PCDH7: variants seen among roughly 807,000 people sequenced by gnomAD.
The protein encoded by PCDH7 is protocadherin 7.
PCDH7 carries 17 observed loss-of-function variants against 58.9 expected under a neutral mutation model. The observed-to-expected ratio is 0.29, with a 90% confidence interval of 0.20 to 0.43. The LOEUF (loss-of-function observed/expected upper bound fraction) is 0.43, where lower values mean the gene tolerates loss of function less well. Among genes scored for constraint, PCDH7 ranks in the 20% least tolerant of loss-of-function variants. The probability of loss-of-function intolerance (pLI) is 1.00; values close to 1 mark genes in which losing one functional copy is unlikely to be tolerated. For missense variants in PCDH7, 1,274 were observed against 1,441.0 expected (o/e 0.88, Z 1.88); for synonymous variants, 664 against 616.4 (o/e 1.08, Z -1.14).
At chr4:31,033,137 T>C (rs1167898381) in intron 3 of PCDH7, among the ~76,000 whole-genome samples, 1 of 152,182 alleles carries the variant, frequency 6.6e-6, no homozygotes, top group Non-Finnish European at 1.5e-5. Flanking sequence ...GTACAAAATA[T>C]GAAATGCAAA....
rs530737692 is a variant in PCDH7 at position 30,961,458 on chromosome 4, A to AG, written c.*7+11245dup. ...TCCCACCTACTGGGGAGGCTAAGGCAGGAGAGTGGCGTGAACCTGGGAGGT... is the reference window on the plus strand; with the variant it reads ...TCCCACCTACTGGGGAGGCTAAGGCAGGGAGAGTGGCGTGAACCTGGGAGGT... On this transcript the variant is annotated intron_variant, in intron 3 of 3. Coordinates refer to the PCDH7 transcript ENST00000509759. 6.9e-3 allele frequency among the ~76,000 whole-genome samples: 1,054 copies of AG among 152,060 alleles called. 9 individuals carry two copies. The highest frequency in any genetic ancestry group is 0.011 in the Non-Finnish European group (773 of 67,978).
rs569698777 is a variant in PCDH7, at chr4:30,747,852, C to T, written c.70+23256C>T. Reference sequence around the variant, plus strand: ...GACATTCCCAAAATTTGATAACCACCTGTTATAAGCCACAAAATATTATTT... The same window carrying T: ...GACATTCCCAAAATTTGATAACCACTTGTTATAAGCCACAAAATATTATTT... On this transcript the variant is annotated intron_variant, in intron 1 of 3. Transcript: ENST00000509759. 9.2e-5 allele frequency among the ~76,000 whole-genome samples: 14 copies of T among 152,284 alleles called. No individual in the cohort carries two copies. In the South Asian group the frequency reaches 2.9e-3, roughly 32 times the overall value.
intron 1 of PCDH7, among the ~76,000 whole-genome samples, chr4:30,906,347 G>C (rs573071243): frequency 6.6e-6 from 1 of 152,150 alleles, no homozygotes; most frequent in African/African-American, 2.4e-5. Flanking sequence ...TATTAATGCT[G>C]AAAGATTAGG....
intron 1 of PCDH7, among the ~76,000 whole-genome samples, chr4:30,896,538 T>C (rs2109389806): frequency 6.6e-6 from 1 of 152,278 alleles, no homozygotes; most frequent in African/African-American, 2.4e-5. Context: ...AAATGATTTA[T>C]AACCTTTTTT....
intron 3 of PCDH7, among the ~76,000 whole-genome samples, chr4:31,093,292 A>G (rs183981148): frequency 1.3e-5 from 2 of 152,280 alleles, no homozygotes; most frequent in East Asian, 3.9e-4. Flanking sequence ...TTTAAGGGGT[A>G]TCAATAACAG....
chr4:31,085,477 T>G (rs1362051812), intron 3 of PCDH7, among the ~76,000 whole-genome samples: 2 of 152,214 alleles, frequency 1.3e-5, no homozygotes, highest in Non-Finnish European at 2.9e-5. Flanking sequence ...TTACTGTCTT[T>G]GTTTAAACTA....
At chr4:31,140,728 A>T (rs1720150040) in intron 3 of PCDH7, among the ~76,000 whole-genome samples, 1 of 152,146 alleles carries the variant, frequency 6.6e-6, no homozygotes, top group African/African-American at 2.4e-5. Context: ...ATTTGTCAAT[A>T]ATTTGATTAT....
chr4:31,095,111 C>G (rs1441253424), intron 3 of PCDH7, among the ~76,000 whole-genome samples: 3 of 145,058 alleles, frequency 2.1e-5, no homozygotes. Context: ...ATCTACCAGA[C>G]AGGGTATTTT....
chr4:30,915,997 C>A (rs1356287948), intron 1 of PCDH7, among the ~76,000 whole-genome samples: 1 of 152,200 alleles, frequency 6.6e-6, no homozygotes, highest in African/African-American at 2.4e-5. Flanking sequence ...TTTATGCCTC[C>A]ATTTTGCTGG....
At chr4:30,822,703 C>G (rs905746281) in intron 1 of PCDH7, among the ~76,000 whole-genome samples, 5 of 151,926 alleles carry the variant, frequency 3.3e-5, no homozygotes, top group African/African-American at 9.7e-5. Flanking sequence ...GAAAGATTGC[C>G]TTTATTACAG....
At chr4:30,729,225 T>TG (rs1715115213) in intron 1 of PCDH7, among the ~76,000 whole-genome samples, 2 of 151,976 alleles carry the variant, frequency 1.3e-5, no homozygotes, top group Admixed American at 6.5e-5. Flanking sequence ...ATACTACCTT[T>TG]GGGGGAAAAA....
chr4:30,914,508 T>C (rs982372906), intron 1 of PCDH7, among the ~76,000 whole-genome samples: 1 of 152,240 alleles, frequency 6.6e-6, no homozygotes, highest in Non-Finnish European at 1.5e-5. Context: ...TTATTGTATG[T>C]ACATATTTGC....
intron 1 of PCDH7, among the ~76,000 whole-genome samples, chr4:30,827,743 A>G (rs955346460): frequency 8.5e-5 from 13 of 152,114 alleles, no homozygotes; most frequent in African/African-American, 2.9e-4. Flanking sequence ...GGAGATTACT[A>G]TGTGACAGAA....
chr4:31,115,506 A>G (rs1246593824), intron 3 of PCDH7, among the ~76,000 whole-genome samples: 1 of 152,140 alleles, frequency 6.6e-6, no homozygotes, highest in Non-Finnish European at 1.5e-5. Context: ...TGTGGATTGT[A>G]TGATCATGTA....
At chr4:31,044,975 C>T (rs1470575893) in intron 3 of PCDH7, among the ~76,000 whole-genome samples, 3 of 151,880 alleles carry the variant, frequency 2.0e-5, no homozygotes, top group African/African-American at 4.8e-5. Context: ...TGGAGAGTCC[C>T]CTAAGTATTT....
intron 1 of PCDH7, among the ~76,000 whole-genome samples, chr4:30,871,277 G>A (rs767610509): frequency 7.2e-5 from 11 of 152,054 alleles, no homozygotes; most frequent in Non-Finnish European, 1.2e-4. Context: ...AGACCAGTTA[G>A]CAGAGGATGG....
chr4:30,893,078 G>C (rs1738829999), intron 1 of PCDH7, among the ~76,000 whole-genome samples: 1 of 151,778 alleles, frequency 6.6e-6, no homozygotes, highest in Non-Finnish European at 1.5e-5. Flanking sequence ...AGTATTGTAG[G>C]GTCATTTTTC....
At chr4:31,086,447 A>C (rs1263113265) in intron 3 of PCDH7, among the ~76,000 whole-genome samples, 1 of 152,166 alleles carries the variant, frequency 6.6e-6, no homozygotes, top group Non-Finnish European at 1.5e-5. Context: ...ATACAGATGT[A>C]TTATCTATAC....
At chr4:30,871,823 C>T (rs1290997087) in intron 1 of PCDH7, among the ~76,000 whole-genome samples, 3 of 152,062 alleles carry the variant, frequency 2.0e-5, no homozygotes, top group Non-Finnish European at 2.9e-5. Context: ...TAGCAACCTT[C>T]GTCACCCCAT....
Sources: gnomAD v4.1 joint callset for allele counts (sites outside exome capture counted in the v4.1 genomes callset) on GRCh38, gnomAD v4.1.1 for gene constraint, MANE v1.5 for transcripts, NCBI Gene and HGNC (gene_info 2026-07-23, HGNC 2026-07-21) for gene names.